The following ERC2 variants were observed in gnomAD, a reference collection of about 807,000 sequenced individuals.
ERC2 encodes the protein ELKS/RAB6-interacting/CAST family member 2, also known as ERC protein 2.
A neutral mutation model predicts 114.8 loss-of-function variants in ERC2; 42 were observed. The observed-to-expected ratio is 0.37, with a 90% CI of 0.29 to 0.47. ERC2 has a LOEUF of 0.47. ERC2 is among the 20% of genes least tolerant of loss of function. The pLI is 0.99. For synonymous variants in ERC2, 454 were observed against 425.5 expected (o/e 1.07, Z -0.82); for missense variants, 939 against 1,150.7 (o/e 0.82, Z 2.66).
intron 3 of ERC2, among the ~76,000 whole-genome samples, chr3:56,176,662 G>C (rs1224506322): frequency 6.6e-6 from 1 of 152,096 alleles, no homozygotes; most frequent in Admixed American, 6.6e-5. Context: ...TAAGGTGTCA[G>C]GTAAATGAAA....
At chr3:56,069,091 C>T (rs2076610588) in intron 7 of ERC2, among the ~76,000 whole-genome samples, 1 of 152,188 alleles carries the variant, frequency 6.6e-6, no homozygotes, top group Non-Finnish European at 1.5e-5. Context: ...CCTGCATATC[C>T]TTGTTAATTT....
chr3:55,598,417 T>C (rs2058248294), intron 17 of ERC2, among the ~76,000 whole-genome samples: 1 of 152,238 alleles, frequency 6.6e-6, no homozygotes, highest in Non-Finnish European at 1.5e-5. Context: ...CATGAAATGC[T>C]CATAACATTA....
intron 15 of ERC2, among the ~76,000 whole-genome samples, chr3:55,702,218 C>A (rs1028510232): frequency 6.6e-6 from 1 of 152,154 alleles, no homozygotes; most frequent in African/African-American, 2.4e-5. Context: ...TGAATGATGT[C>A]ATCTTTCCAA....
chr3:55,731,392 A>G (rs1412693927), intron 15 of ERC2, among the ~76,000 whole-genome samples: 1 of 152,238 alleles, frequency 6.6e-6, no homozygotes, highest in African/African-American at 2.4e-5. Context: ...CATTAATAGT[A>G]ATAGTAGTTG....
At chr3:56,177,898 T>C (rs1217410852) in intron 3 of ERC2, among the ~76,000 whole-genome samples, 5 of 152,174 alleles carry the variant, frequency 3.3e-5, no homozygotes, top group Admixed American at 3.3e-4. Flanking sequence ...TATTCTCACT[T>C]TTAAAAACAA....
At chr3:56,071,966 A>G (rs2076760346) in intron 7 of ERC2, 1 of 152,208 alleles carries the variant, frequency 6.6e-6, no homozygotes, top group Non-Finnish European at 1.5e-5. Context: ...TTCCTAAACC[A>G]TCTCACCAAC....
At chr3:56,009,510 C>T (rs759679431) in intron 9 of ERC2, among the ~76,000 whole-genome samples, 1 of 152,098 alleles carries the variant, frequency 6.6e-6, no homozygotes, top group Admixed American at 6.6e-5. Context: ...CAGTACCACA[C>T]GAGTGAGGAA....
chr3:56,429,331 G>A (rs551243816), intron 2 of ERC2, among the ~76,000 whole-genome samples: 22 of 152,138 alleles, frequency 1.4e-4, no homozygotes, highest in African/African-American at 3.4e-4. Flanking sequence ...GCTACCTCGC[G>A]TAACAGTGTA....
At position 55,510,094 on chromosome 3, in the gene ERC2, C is replaced by A. The variant is rs1162784096; in HGVS notation, c.*1222G>T. 1 of 152,504 alleles carries A rather than the reference C, an allele frequency of 6.6e-6. No individual in the cohort carries two copies. The allele number at this position is 152,504 out of a possible 1,614,324, so 9.4% of individuals were successfully genotyped here. On this transcript the variant is annotated 3_prime_UTR_variant, in exon 18 of 18. Coordinates refer to ENST00000288221, the MANE Select transcript of ERC2 (RefSeq NM_015576.3). ...CCATATCACTGTATGTAAAAGACCT[C>A]AAAATTTGGTCTTTTTCCCTGGCAT...
At chr3:56,394,073 A>T (rs1018328001) in intron 2 of ERC2, among the ~76,000 whole-genome samples, 2 of 152,180 alleles carry the variant, frequency 1.3e-5, no homozygotes, top group Non-Finnish European at 2.9e-5. Flanking sequence ...GGCATAAGGG[A>T]GGCATTCTCA....
intron 16 of ERC2, among the ~76,000 whole-genome samples, chr3:55,689,426 C>T (rs576975011): frequency 2.6e-5 from 4 of 152,214 alleles, no homozygotes; most frequent in East Asian, 1.9e-4. Context: ...GCCTCTATGT[C>T]GGCCAACAAT....
chr3:56,190,001 T>A (rs949294385), intron 3 of ERC2, among the ~76,000 whole-genome samples: 1 of 152,204 alleles, frequency 6.6e-6, no homozygotes, highest in Non-Finnish European at 1.5e-5. Context: ...TTTATAGTGT[T>A]CAAAATGGTT....
At chr3:56,426,756 C>T (rs2061585123) in intron 2 of ERC2, among the ~76,000 whole-genome samples, 1 of 152,182 alleles carries the variant, frequency 6.6e-6, no homozygotes, top group African/African-American at 2.4e-5. Flanking sequence ...TGTAGCCAAC[C>T]TGCAGATATG....
rs770426790 is a variant in ERC2 at position 55,799,362 on chromosome 3, T to TTA, written c.2565-64446_2565-64445dup. On this transcript the variant is annotated intron_variant, in intron 14 of 17. Transcript: ENST00000288221. ...CGGTATTCTTCCAGGACCACAATTC[T>TTA]TATATATATATATATGCCTTATATA... Among the ~76,000 whole-genome samples the TTA allele has an allele frequency of 7.0e-3, 935 of 133,660 alleles. 5 individuals carry two copies. Among genetic ancestry groups the TTA allele is most frequent in the African/African-American group, 0.014 (488 of 35,606 alleles). The allele number at this position is 133,660 out of a possible 152,430, so 87.7% of individuals were successfully genotyped here. A position where few individuals can be genotyped will look rare whatever the true frequency, so the allele number is the denominator to read the frequency against.
At chr3:55,629,284 C>T (rs915403385) in intron 17 of ERC2, among the ~76,000 whole-genome samples, 1 of 152,174 alleles carries the variant, frequency 6.6e-6, no homozygotes, top group Non-Finnish European at 1.5e-5. Flanking sequence ...TGATCGGAAG[C>T]CAGTACACGA....
intron 14 of ERC2, among the ~76,000 whole-genome samples, chr3:55,769,924 C>T (rs1011684578): frequency 5.9e-5 from 9 of 152,150 alleles, no homozygotes; most frequent in Non-Finnish European, 8.8e-5. Context: ...TCCCTGCTTC[C>T]CTCTAATAGC....
At chr3:56,330,883 T>A (rs2057579096) in intron 2 of ERC2, among the ~76,000 whole-genome samples, 1 of 152,218 alleles carries the variant, frequency 6.6e-6, no homozygotes, top group South Asian at 2.1e-4. Context: ...CATGACCTCC[T>A]TTTATGCTCA....
At chr3:56,079,437 A>G (rs909449279) in intron 7 of ERC2, among the ~76,000 whole-genome samples, 4 of 152,170 alleles carry the variant, frequency 2.6e-5, no homozygotes, top group Admixed American at 6.5e-5. Context: ...AGCATGCCTC[A>G]TGTGTCTGCA....
intron 17 of ERC2, among the ~76,000 whole-genome samples, chr3:55,597,462 C>T (rs2058201063): frequency 6.6e-6 from 1 of 151,630 alleles, no homozygotes; most frequent in Admixed American, 6.6e-5. Flanking sequence ...CACATCAAGG[C>T]CAATCCACCC....
Sources: gnomAD v4.1 joint callset for allele counts (sites outside exome capture counted in the v4.1 genomes callset) on GRCh38, gnomAD v4.1.1 for gene constraint, MANE v1.5 for transcripts, NCBI Gene and HGNC (gene_info 2026-07-23, HGNC 2026-07-21) for gene names.